Variants in ZFAT observed in about 807,000 individuals in gnomAD.
ZFAT encodes zinc finger and AT-hook domain containing.
Under a neutral mutation model 117.7 loss-of-function variants are expected in ZFAT, and 64 were observed. The ratio of observed to expected loss-of-function variants is 0.54; its 90% CI spans 0.44 to 0.67. The LOEUF (loss-of-function observed/expected upper bound fraction) is 0.67, where lower values mean the gene tolerates loss of function less well. ZFAT is among the 30% of genes least tolerant of loss of function. The pLI, the probability that ZFAT is intolerant of heterozygous loss-of-function variation, is 0.00. For synonymous variants in ZFAT, 679 were observed against 615.0 expected (o/e 1.10, Z -1.54); for missense variants, 1,433 against 1,584.5 (o/e 0.90, Z 1.62).
chr8:134,692,480 C>T (rs2131333331), intron 1 of ZFAT, among the ~76,000 whole-genome samples: 1 of 152,348 alleles, frequency 6.6e-6, no homozygotes, highest in Admixed American at 6.5e-5. Flanking sequence ...TTCCTGGAAA[C>T]TTACACCCTC....
chr8:134,795,964 C>T, the ZFAT span: 6 of 152,228 alleles, frequency 3.9e-5, no homozygotes, highest in Admixed American at 6.5e-5. Context: ...TGAACCTTAA[C>T]GTAATGAAGC....
intron 11 of ZFAT, among the ~76,000 whole-genome samples, chr8:134,561,434 GA>G (rs199898077): frequency 2.0e-5 from 3 of 149,758 alleles, no homozygotes; most frequent in Admixed American, 6.6e-5. Context: ...CCATCAAAAA[GA>G]AAAAAAAATC....
chr8:134,829,214 G>A, the ZFAT span, among the ~76,000 whole-genome samples: 9 of 152,260 alleles, frequency 5.9e-5, no homozygotes, highest in African/African-American at 2.2e-4. Context: ...CTTTGAATGA[G>A]GCCCAACACA....
At chr8:134,645,792 A>C (rs193122956) in intron 2 of ZFAT, among the ~76,000 whole-genome samples, 1 of 152,340 alleles carries the variant, frequency 6.6e-6, no homozygotes, top group East Asian at 1.9e-4. Flanking sequence ...AACAAATTCT[A>C]ATACATATAC....
chr8:134,495,984 T>C (rs1215939849), intron 15 of ZFAT, among the ~76,000 whole-genome samples: 1 of 151,820 alleles, frequency 6.6e-6, no homozygotes, highest in African/African-American at 2.4e-5. Context: ...ATGCCAAGCA[T>C]AGAGCCTAGA....
At chr8:134,514,917 G>A (rs1016975607) in intron 13 of ZFAT, among the ~76,000 whole-genome samples, 3 of 151,990 alleles carry the variant, frequency 2.0e-5, no homozygotes, top group East Asian at 3.9e-4. Context: ...CCATCAACTC[G>A]TCATCTACAT....
intron 10 of ZFAT, among the ~76,000 whole-genome samples, chr8:134,579,956 C>CA (rs149153004): frequency 0.33 from 38,248 of 114,996 alleles, 5,959 homozygotes; most frequent in East Asian, 0.57. Context: ...ACACAGGGAA[C>CA]AAAAAAAAAA....
At chr8:134,741,143 A>G in the ZFAT span, among the ~76,000 whole-genome samples, 5 of 152,116 alleles carry the variant, frequency 3.3e-5, no homozygotes, top group African/African-American at 1.2e-4. Context: ...CAGAATTCAA[A>G]CATACCCAAG....
the ZFAT span, among the ~76,000 whole-genome samples, chr8:134,783,068 G>A: frequency 6.6e-5 from 10 of 151,798 alleles, no homozygotes; most frequent in South Asian, 8.3e-4. Context: ...TACATCTTTA[G>A]TAATTGTTTT....
At position 134,537,462 on chromosome 8, in the gene ZFAT, G is replaced by A. The variant is rs150295833; in HGVS notation, c.2977-4490C>T. Among the ~76,000 whole-genome samples the A allele has an allele frequency of 3.3e-5, 5 of 152,338 alleles. No homozygotes were observed. In the East Asian group the frequency reaches 5.8e-4, roughly 18 times the overall value. On this transcript the variant is annotated intron_variant, in intron 11 of 15. Coordinates refer to ENST00000377838, the MANE Select transcript of ZFAT (RefSeq NM_020863.4). ...GTATCAACCTCTAGACCGAGGAATC[G>A]CACAGTGGACCGGGAGAGATGTGGG...
intron 12 of ZFAT, among the ~76,000 whole-genome samples, chr8:134,527,439 A>C (rs1821106668): frequency 6.6e-6 from 1 of 152,274 alleles, no homozygotes; most frequent in African/African-American, 2.4e-5. Flanking sequence ...CAGGTAAATT[A>C]TCCAAGGAAA....
chr8:134,650,794 C>T (rs190991645), intron 2 of ZFAT, among the ~76,000 whole-genome samples: 5 of 152,312 alleles, frequency 3.3e-5, no homozygotes, highest in Admixed American at 6.5e-5. Flanking sequence ...GTGCCAAAAC[C>T]TCTCAATGGG....
Position 134,478,786 on chromosome 8 carries a change from G to C in ZFAT, c.3493-65C>G. ...CTTCCCGGTCCAGCGTAACAACAAA[G>C]TCACAACTACAGTTTAGGAGGCACC... On this transcript the variant is annotated intron_variant, in intron 15 of 15. Coordinates refer to ENST00000377838, the MANE Select transcript of ZFAT (RefSeq NM_020863.4). This position sits in a 1 kb window ranked among gnomAD's most constrained non-coding sequence, Gnocchi z 5.2. The C allele has an allele frequency of 6.6e-7, 1 of 1,515,646 alleles. No individual in the cohort carries two copies. The highest frequency in any genetic ancestry group is 8.8e-7 in the Non-Finnish European group (1 of 1,131,380). The allele number at this position is 1,515,646 out of a possible 1,614,324, so 93.9% of individuals were successfully genotyped here.
intron 11 of ZFAT, among the ~76,000 whole-genome samples, chr8:134,546,074 G>A (rs1022570586): frequency 6.6e-5 from 10 of 152,144 alleles, no homozygotes; most frequent in Non-Finnish European, 8.8e-5. Flanking sequence ...CACTGACGAC[G>A]ACAACACTTA....
intron 7 of ZFAT, chr8:134,598,075 C>A (rs1827100746): frequency 6.6e-6 from 1 of 152,268 alleles, no homozygotes; most frequent in South Asian, 2.1e-4. Context: ...GTCCAAGAGA[C>A]CTACCAAGAA....
At chr8:134,565,734 C>T (rs1447822410) in intron 10 of ZFAT, 7 of 431,302 alleles carry the variant, frequency 1.6e-5, no homozygotes, top group African/African-American at 1.4e-4. Context: ...GAGAGAAGGG[C>T]ATCAAGGGAG....
At chr8:134,729,855 A>G in the ZFAT span, among the ~76,000 whole-genome samples, 1 of 152,342 alleles carries the variant, frequency 6.6e-6, no homozygotes, top group South Asian at 2.1e-4. Context: ...TATCCACTCC[A>G]TGGGCTTGTC....
intron 1 of ZFAT, among the ~76,000 whole-genome samples, chr8:134,711,795 C>A (rs1403912322): frequency 1.3e-5 from 2 of 152,068 alleles, no homozygotes; most frequent in African/African-American, 2.4e-5. Flanking sequence ...CCCTGCCTGG[C>A]GTGCAGAGGG....
Position 134,557,405 on chromosome 8 carries a change from G to C in ZFAT, c.2976+7928C>G, listed in dbSNP as rs114067832. ...GGTATCCTAATGGGATCCTGAAATA[G>C]GCAAATGCCATTAGGTACAAACTAA... On this transcript the variant is annotated intron_variant, in intron 11 of 15. Coordinates refer to ENST00000377838, the MANE Select transcript of ZFAT (RefSeq NM_020863.4). Among the ~76,000 whole-genome samples, 1,025 of 152,250 alleles carry C rather than the reference G, an allele frequency of 6.7e-3. 10 individuals carry two copies. Among genetic ancestry groups the C allele is most frequent in the African/African-American group, 0.024 (994 of 41,538 alleles).
Sources: allele counts gnomAD v4.1 joint callset (sites outside exome capture counted in the v4.1 genomes callset), GRCh38; gene constraint gnomAD v4.1.1; non-coding constraint Gnocchi (gnomAD v3.1); transcripts MANE v1.5; gene names NCBI Gene and HGNC (gene_info 2026-07-23, HGNC 2026-07-21).